CREB3L1: variants seen among roughly 807,000 people sequenced by gnomAD.
The protein encoded by CREB3L1 is cyclic AMP-responsive element-binding protein 3-like protein 1.
In CREB3L1, 33 loss-of-function variants were observed where a neutral mutation model predicts 54.5. That is an observed-to-expected ratio of 0.61 (90% CI 0.46 to 0.81). CREB3L1 has a LOEUF of 0.81. Ranked by LOEUF, CREB3L1 falls within the 30% of genes least tolerant of loss-of-function variation. The pLI, the probability that CREB3L1 is intolerant of heterozygous loss-of-function variation, is 0.00. For missense variants in CREB3L1, 656 were observed against 673.3 expected, an observed-to-expected ratio of 0.97 and a Z score of 0.29; for synonymous variants, 284 against 286.4, an observed-to-expected ratio of 0.99 and a Z score of 0.08.
chr11:46,299,747 G>C (rs1283626125), intron 1 of CREB3L1, among the ~76,000 whole-genome samples, 188 bp from the exon 2 acceptor site: 1 of 152,140 alleles, frequency 6.6e-6, no homozygotes, highest in Non-Finnish European at 1.5e-5. Context: ...AATGATGAGA[G>C]TTGGTGTTGC....
chr11:46,289,085 G>C (rs1195027815), intron 1 of CREB3L1, among the ~76,000 whole-genome samples: 1 of 152,118 alleles, frequency 6.6e-6, no homozygotes, highest in Non-Finnish European at 1.5e-5. Context: ...GAGGGTTCAA[G>C]GATGAAATCC....
chr11:46,293,948 A>G (rs1336052889), intron 1 of CREB3L1, among the ~76,000 whole-genome samples: 2 of 152,218 alleles, frequency 1.3e-5, no homozygotes, highest in Admixed American at 1.3e-4. Context: ...CATACCTGAC[A>G]GCGTCAGCCT....
chr11:46,298,950 G>A (rs775652064), intron 1 of CREB3L1, among the ~76,000 whole-genome samples: 17 of 152,112 alleles, frequency 1.1e-4, no homozygotes, highest in East Asian at 3.9e-4. Flanking sequence ...TACAGAGGAC[G>A]AAATGAAACA....
chr11:46,315,168 C>A, intron 8 of CREB3L1: 1 of 320,890 alleles, frequency 3.1e-6, no homozygotes. Context: ...CCTTCTCCCC[C>A]AGCTTCTCCA....
At chr11:46,303,692 A>G (rs1044460228) in intron 2 of CREB3L1, among the ~76,000 whole-genome samples, 1 of 151,918 alleles carries the variant, frequency 6.6e-6, no homozygotes, top group African/African-American at 2.4e-5. Context: ...CACTGTGCAC[A>G]TAAAAGTCCT....
At chr11:46,305,552 C>T (rs11821450) in intron 2 of CREB3L1, among the ~76,000 whole-genome samples, 38,467 of 150,144 alleles carry the variant, frequency 0.26, 5,047 homozygotes, top group Middle Eastern at 0.35. Flanking sequence ...AGTCCCCACA[C>T]GAGGGCAGAG....
intron 1 of CREB3L1, among the ~76,000 whole-genome samples, chr11:46,284,591 T>C (rs1216416154): frequency 6.6e-6 from 1 of 151,128 alleles, no homozygotes; most frequent in Non-Finnish European, 1.5e-5. Context: ...GAGGTGGAGA[T>C]TGCAGTGAGC....
intron 1 of CREB3L1, among the ~76,000 whole-genome samples, chr11:46,286,004 C>T (rs1939051122): frequency 6.6e-6 from 1 of 152,212 alleles, no homozygotes; most frequent in Non-Finnish European, 1.5e-5. Context: ...CCCTTCTTTA[C>T]CTCATTTCCC....
At chr11:46,317,029 G>A (rs750417409) in intron 9 of CREB3L1, among the ~76,000 whole-genome samples, 7 of 152,210 alleles carry the variant, frequency 4.6e-5, no homozygotes, top group Non-Finnish European at 8.8e-5. Flanking sequence ...CCCCTCCCTC[G>A]TCCCAGCCCC....
intron 1 of CREB3L1, among the ~76,000 whole-genome samples, chr11:46,287,473 T>C (rs894954490): frequency 6.6e-6 from 1 of 152,024 alleles, no homozygotes; most frequent in Non-Finnish European, 1.5e-5. Flanking sequence ...TAATTTTTTG[T>C]ATTTTTTGTA....
intron 2 of CREB3L1, among the ~76,000 whole-genome samples, chr11:46,305,435 C>T (rs1190014499): frequency 6.6e-6 from 1 of 151,898 alleles, no homozygotes; most frequent in African/African-American, 2.4e-5. Context: ...CCCTCCTCTC[C>T]ATCACAACTG....
chr11:46,292,792 T>C (rs981694134), intron 1 of CREB3L1, among the ~76,000 whole-genome samples: 3 of 140,676 alleles, frequency 2.1e-5, no homozygotes, highest in Non-Finnish European at 4.6e-5. Flanking sequence ...TATTTTTAAA[T>C]TTTTTTTTTT....
chr11:46,318,332 T>A (rs1939598048), intron 10 of CREB3L1, among the ~76,000 whole-genome samples: 1 of 152,200 alleles, frequency 6.6e-6, no homozygotes, highest in Non-Finnish European at 1.5e-5. Flanking sequence ...TGGGTTCAGA[T>A]ATCTACTGTT....
At chr11:46,307,523 A>C (rs1028067863) in intron 2 of CREB3L1, among the ~76,000 whole-genome samples, 1 of 152,206 alleles carries the variant, frequency 6.6e-6, no homozygotes, top group Non-Finnish European at 1.5e-5. Flanking sequence ...GCAGATGAAG[A>C]AGCTCAGGCT....
At chr11:46,296,202 G>A (rs963622912) in intron 1 of CREB3L1, among the ~76,000 whole-genome samples, 1 of 152,070 alleles carries the variant, frequency 6.6e-6, no homozygotes, top group Non-Finnish European at 1.5e-5. Flanking sequence ...TGAAGTGGAG[G>A]GAGGGCTGGG....
chr11:46,303,426 C>T (rs1041453562), intron 2 of CREB3L1, among the ~76,000 whole-genome samples: 4 of 152,088 alleles, frequency 2.6e-5, no homozygotes, highest in Non-Finnish European at 4.4e-5. Context: ...AGGAGGATTG[C>T]TTGAGCCCAG....
intron 3 of CREB3L1, among the ~76,000 whole-genome samples, chr11:46,309,335 A>T (rs1464426951): frequency 2.6e-5 from 4 of 152,282 alleles, no homozygotes; most frequent in Non-Finnish European, 5.9e-5. Context: ...AGCACCACTT[A>T]CTTGCATGTT....
At chr11:46,279,284 C>T (rs1566177357) in intron 1 of CREB3L1, among the ~76,000 whole-genome samples, 1 of 152,094 alleles carries the variant, frequency 6.6e-6, no homozygotes, top group Non-Finnish European at 1.5e-5. Context: ...CCTTAGAGGA[C>T]TTGAGCATCT....
chr11:46,299,351 G>A lies in CREB3L1; in HGVS notation c.103-584G>A, dbSNP rs561969487. Among the ~76,000 whole-genome samples, 8 of 152,230 alleles carry A rather than the reference G, an allele frequency of 5.3e-5. No individual in the cohort carries two copies. The South Asian group carries it at 1.0e-3, about 20-fold the overall frequency. ...TGGCTTGGGAAAGGAGAGAGACCCC[G>A]AAGTCTTGAGGACAGATGGACACTG... On this transcript the variant is annotated intron_variant, in intron 1 of 11. Transcript: ENST00000621158.
Sources: gnomAD v4.1 joint callset for allele counts (sites outside exome capture counted in the v4.1 genomes callset) on GRCh38, gnomAD v4.1.1 for gene constraint, MANE v1.5 for transcripts, NCBI Gene and HGNC (gene_info 2026-07-23, HGNC 2026-07-21) for gene names.